CFAP299: variants seen among roughly 807,000 people sequenced by gnomAD.
CFAP299 encodes cilia- and flagella-associated protein 299.
Under a neutral mutation model 27.0 loss-of-function variants are expected in CFAP299, and 21 were observed. That is an observed-to-expected ratio of 0.78 (90% CI 0.55 to 1.12). The LOEUF (loss-of-function observed/expected upper bound fraction) is 1.12. Among genes scored for constraint, CFAP299 ranks in the 50% most tolerant of loss-of-function variants. The probability of loss-of-function intolerance (pLI) is 0.00; values close to 1 mark genes in which losing one functional copy is unlikely to be tolerated. For missense variants in CFAP299, 310 were observed against 276.6 expected (o/e 1.12, Z -0.86); for synonymous variants, 104 against 98.1 (o/e 1.06, Z -0.36).
chr4:80,537,617 T>C (rs1037216558), intron 2 of CFAP299, among the ~76,000 whole-genome samples: 1 of 152,154 alleles, frequency 6.6e-6, no homozygotes, highest in Non-Finnish European at 1.5e-5. Context: ...CTCAGTCATA[T>C]GTGGAATCTA....
intron 2 of CFAP299, among the ~76,000 whole-genome samples, chr4:80,397,873 A>G (rs1203933060): frequency 6.6e-6 from 1 of 152,184 alleles, no homozygotes; most frequent in African/African-American, 2.4e-5. Context: ...AGGGTATTCG[A>G]TAAGGAAAAG....
intron 2 of CFAP299, among the ~76,000 whole-genome samples, chr4:80,440,807 C>A (rs1158134850): frequency 6.6e-6 from 1 of 152,130 alleles, no homozygotes; most frequent in Non-Finnish European, 1.5e-5. Context: ...AGCTAAGAAC[C>A]TTGATAAAGG....
At chr4:80,401,863 C>T (rs1291655478) in intron 2 of CFAP299, among the ~76,000 whole-genome samples, 1 of 152,140 alleles carries the variant, frequency 6.6e-6, no homozygotes, top group Non-Finnish European at 1.5e-5. Context: ...TTGTACCCTG[C>T]AAAGCCACAG....
At chr4:80,421,538 AT>A (rs1398751080) in intron 2 of CFAP299, among the ~76,000 whole-genome samples, 2 of 152,212 alleles carry the variant, frequency 1.3e-5, no homozygotes, top group African/African-American at 2.4e-5. Context: ...AGTCAAATGA[AT>A]TTTTATTTCC....
In CFAP299 at chr4:80,797,416, G is replaced by A. The variant is rs192678343; in HGVS notation, c.334-72577G>A. ...CTGCCTATACAAATTAAATAGGAAT[G>A]GAATAGGCTTCTATCAATTTCACTT... On this transcript the variant is annotated intron_variant, in intron 3 of 5. Coordinates refer to ENST00000358105, the MANE Select transcript of CFAP299 (RefSeq NM_152770.3). Among the ~76,000 whole-genome samples, 193 of 152,136 alleles carry A rather than the reference G, an allele frequency of 1.3e-3. 2 individuals are homozygous for A. The highest frequency in any genetic ancestry group is 4.5e-3 in the African/African-American group (187 of 41,524).
chr4:80,458,452 T>G (rs1578467975), intron 2 of CFAP299, among the ~76,000 whole-genome samples: 1 of 152,174 alleles, frequency 6.6e-6, no homozygotes, highest in Non-Finnish European at 1.5e-5. Flanking sequence ...AAAAAAATCT[T>G]ATTTCTGAAA....
chr4:80,722,570 AAAGACT>A (rs1722891616), intron 3 of CFAP299, among the ~76,000 whole-genome samples: 1 of 152,212 alleles, frequency 6.6e-6, no homozygotes, highest in Non-Finnish European at 1.5e-5. Flanking sequence ...ATATCTTTTA[AAAGACT>A]TTTAAAACTC....
At chr4:80,792,724 A>G (rs1182113717) in intron 3 of CFAP299, among the ~76,000 whole-genome samples, 1 of 152,106 alleles carries the variant, frequency 6.6e-6, no homozygotes, top group Non-Finnish European at 1.5e-5. Context: ...TTCTGCGTTT[A>G]TCCCTTTCAC....
intron 4 of CFAP299, among the ~76,000 whole-genome samples, chr4:80,928,476 A>G (rs917958760): frequency 6.6e-6 from 1 of 152,128 alleles, no homozygotes; most frequent in Non-Finnish European, 1.5e-5. Context: ...AAGGAAAAGT[A>G]TGGTGATTAT....
intron 3 of CFAP299, among the ~76,000 whole-genome samples, chr4:80,799,194 TATA>T (rs1288263096): frequency 1.4e-4 from 17 of 118,338 alleles, no homozygotes; most frequent in Non-Finnish European, 2.3e-4. Flanking sequence ...AATATATTTA[TATA>T]ATATTTATAT....
rs33963629 is a variant in CFAP299, at chr4:80,608,861, A to ATGTGTG, written c.333+25702_333+25707dup. 3.3e-3 allele frequency among the ~76,000 whole-genome samples: 489 copies of ATGTGTG among 146,898 alleles called. 1 individual carries two copies. Among genetic ancestry groups the ATGTGTG allele is most frequent in the African/African-American group, 0.01 (401 of 38,412 alleles). On this transcript the variant is annotated intron_variant, in intron 3 of 5. Coordinates refer to ENST00000358105, the MANE Select transcript of CFAP299 (RefSeq NM_152770.3). The stretch of plus-strand genomic sequence containing the variant: ...AAACTGGGTAAAGCTTACACGATGC[A>ATGTGTG]TGTGTGTGTGTGTGTGTGTGTGTGT...
At chr4:80,571,801 G>GA (rs1024871510) in intron 2 of CFAP299, among the ~76,000 whole-genome samples, 5 of 152,090 alleles carry the variant, frequency 3.3e-5, no homozygotes, top group African/African-American at 9.7e-5. Flanking sequence ...CTGAACGCCA[G>GA]AAAGAGGGCC....
chr4:80,531,708 G>A (rs898494589), intron 2 of CFAP299, among the ~76,000 whole-genome samples: 1 of 150,582 alleles, frequency 6.6e-6, no homozygotes, highest in Non-Finnish European at 1.5e-5. Context: ...TTGCATCTAG[G>A]TGTGGCTGTG....
At chr4:80,656,248 T>C (rs1029984498) in intron 3 of CFAP299, among the ~76,000 whole-genome samples, 31 of 152,296 alleles carry the variant, frequency 2.0e-4, no homozygotes, top group African/African-American at 7.2e-4. Flanking sequence ...TATTATACTT[T>C]AAGTTCTGGG....
intron 3 of CFAP299, among the ~76,000 whole-genome samples, chr4:80,598,165 C>T (rs2109896430): frequency 6.6e-6 from 1 of 152,228 alleles, no homozygotes; most frequent in Admixed American, 6.5e-5. Flanking sequence ...AGATGTTATG[C>T]TAAAGAGTTT....
chr4:80,707,254 G>T (rs78298734), intron 3 of CFAP299, among the ~76,000 whole-genome samples: 1 of 151,676 alleles, frequency 6.6e-6, no homozygotes, highest in African/African-American at 2.4e-5. Context: ...TATTTTTGTC[G>T]GGCCCATGAG....
At chr4:80,501,854 G>T (rs80076744) in intron 2 of CFAP299, among the ~76,000 whole-genome samples, 5,563 of 151,768 alleles carry the variant, frequency 0.037, 358 homozygotes, top group African/African-American at 0.12. Flanking sequence ...TCTTCAGGAT[G>T]TATTTTAATT....
At chr4:80,436,444 A>G (rs769071308) in intron 2 of CFAP299, among the ~76,000 whole-genome samples, 4 of 151,990 alleles carry the variant, frequency 2.6e-5, no homozygotes, top group African/African-American at 7.2e-5. Flanking sequence ...GACTACCGGC[A>G]CCCATCACCA....
intron 3 of CFAP299, among the ~76,000 whole-genome samples, chr4:80,602,115 A>C (rs947732369): frequency 6.6e-6 from 1 of 152,176 alleles, no homozygotes; most frequent in East Asian, 1.9e-4. Context: ...AATGGGTACT[A>C]GGCTAAATAC....
Sources: allele counts gnomAD v4.1 joint callset (sites outside exome capture counted in the v4.1 genomes callset), GRCh38; gene constraint gnomAD v4.1.1; transcripts MANE v1.5; gene names NCBI Gene and HGNC (gene_info 2026-07-23, HGNC 2026-07-21).